The following GALNT17 variants were observed in gnomAD, a reference collection of about 807,000 sequenced individuals.
GALNT17 encodes polypeptide N-acetylgalactosaminyltransferase 17.
In GALNT17, 29 loss-of-function variants were observed where a neutral mutation model predicts 63.7. That is an observed-to-expected ratio of 0.46 (90% CI 0.34 to 0.62). The LOEUF (loss-of-function observed/expected upper bound fraction) is 0.62. GALNT17 is among the 20% of genes least tolerant of loss of function. The pLI is 0.01. For missense variants in GALNT17, 603 were observed against 799.6 expected (o/e 0.75, Z 2.97); for synonymous variants, 305 against 318.3 (o/e 0.96, Z 0.45).
intron 1 of GALNT17, among the ~76,000 whole-genome samples, chr7:71,246,042 A>G (rs868164598): frequency 7.9e-5 from 12 of 151,028 alleles, no homozygotes; most frequent in Middle Eastern, 3.2e-3. Context: ...AATTTATGCT[A>G]GGGAAATCAA....
intron 2 of GALNT17, among the ~76,000 whole-genome samples, chr7:71,369,335 T>C (rs940857790): frequency 6.6e-6 from 1 of 152,142 alleles, no homozygotes; most frequent in Non-Finnish European, 1.5e-5. Flanking sequence ...ACAAAGGCTA[T>C]GGAGAGATTT....
At chr7:71,326,811 C>T (rs1356258339) in intron 1 of GALNT17, among the ~76,000 whole-genome samples, 1 of 152,178 alleles carries the variant, frequency 6.6e-6, no homozygotes, top group Non-Finnish European at 1.5e-5. Context: ...ACACTTACTT[C>T]ACTGACACTG....
At chr7:71,473,216 A>G (rs1270658657) in intron 5 of GALNT17, among the ~76,000 whole-genome samples, 1 of 152,160 alleles carries the variant, frequency 6.6e-6, no homozygotes, top group Non-Finnish European at 1.5e-5. Context: ...GGAGCTGTGG[A>G]GACCAAAGTT....
intron 1 of GALNT17, among the ~76,000 whole-genome samples, chr7:71,192,331 T>C (rs548954157): frequency 4.5e-4 from 68 of 152,168 alleles, no homozygotes; most frequent in African/African-American, 1.5e-3. Flanking sequence ...GACAATACTT[T>C]GCATCCTTCA....
rs930045465 is a variant in GALNT17 at position 71,707,956 on chromosome 7, G to T, written c.1501-2805G>T. Among the ~76,000 whole-genome samples, 23 of 152,202 alleles carry T rather than the reference G, an allele frequency of 1.5e-4. No homozygotes were observed. In the South Asian group the frequency reaches 1.7e-3, roughly 11 times the overall value. On this transcript the variant is annotated intron_variant, in intron 9 of 10. Coordinates refer to ENST00000333538, the MANE Select transcript of GALNT17 (RefSeq NM_022479.3). The stretch of plus-strand genomic sequence containing the variant: ...GCTTCAAAGCCATCTTGCCATGGGT[G>T]TATAGAAGGAATAGCGGAGGATGTG...
rs541970186 is a variant in GALNT17, at chr7:71,701,208, C to T, written c.1501-9553C>T. 5.3e-5 allele frequency among the ~76,000 whole-genome samples: 8 copies of T among 152,202 alleles called. No individual in the cohort carries two copies. The South Asian group carries it at 8.3e-4, about 16-fold the overall frequency. ...TCTCAGAAAGAATATGACATTTGGC[C>T]GGTCACGATGGCTCACGCCTGTAAT... On this transcript the variant is annotated intron_variant, in intron 9 of 10. Coordinates refer to ENST00000333538, the MANE Select transcript of GALNT17 (RefSeq NM_022479.3).
rs59298142 is a variant in GALNT17 at position 71,530,537 on chromosome 7, AATTTATTTATTTATTTATTT to A, written c.963-40715_963-40696del. 2.8e-4 allele frequency among the ~76,000 whole-genome samples: 40 copies of A among 140,366 alleles called. 1 individual carries two copies. The highest frequency in any genetic ancestry group is 7.4e-4 in the South Asian group (3 of 4,072). 92.1% of individuals were successfully genotyped at this position (140,366 alleles called of 152,430 possible). A position where few individuals can be genotyped will look rare whatever the true frequency, so the allele number is the denominator to read the frequency against. ...TCAGTGTCTTTTGGAGAGGTACAAG[AATTTATTTATTTATTTATTT>A]ATTTATTTATTTATTTATTTATTTA... On this transcript the variant is annotated intron_variant, in intron 5 of 10. Coordinates refer to ENST00000333538, the MANE Select transcript of GALNT17 (RefSeq NM_022479.3).
chr7:71,252,659 A>G (rs1171943730), intron 1 of GALNT17, among the ~76,000 whole-genome samples: 1 of 152,216 alleles, frequency 6.6e-6, no homozygotes, highest in Admixed American at 6.5e-5. Flanking sequence ...ACCCAGACCC[A>G]TTAGAGAGTG....
chr7:71,425,734 A>G (rs1786748025), intron 5 of GALNT17, among the ~76,000 whole-genome samples: 1 of 152,224 alleles, frequency 6.6e-6, no homozygotes, highest in African/African-American at 2.4e-5. Flanking sequence ...CATTTATGCA[A>G]CTTACACCGG....
At chr7:71,558,553 C>T (rs932521657) in intron 5 of GALNT17, among the ~76,000 whole-genome samples, 7 of 152,176 alleles carry the variant, frequency 4.6e-5, no homozygotes, top group South Asian at 4.1e-4. Context: ...CCCAAATGTT[C>T]ACTCAACCAT....
intron 6 of GALNT17, among the ~76,000 whole-genome samples, chr7:71,663,078 A>G (rs530897038): frequency 4.8e-4 from 73 of 152,270 alleles, no homozygotes; most frequent in African/African-American, 1.6e-3. Context: ...TCCTTATGCC[A>G]GTACCACACC....
At chr7:71,257,868 C>T (rs936540387) in intron 1 of GALNT17, among the ~76,000 whole-genome samples, 77 of 152,336 alleles carry the variant, frequency 5.1e-4, no homozygotes, top group African/African-American at 1.6e-3. Flanking sequence ...CTGGATTCTA[C>T]GAATCACTGC....
At chr7:71,246,858 A>T (rs1398740516) in intron 1 of GALNT17, among the ~76,000 whole-genome samples, 1 of 150,448 alleles carries the variant, frequency 6.6e-6, no homozygotes, top group Admixed American at 6.7e-5. Context: ...AATTATGAAT[A>T]CCCTTTAGAA....
At chr7:71,404,736 T>C (rs1489465377) in intron 3 of GALNT17, among the ~76,000 whole-genome samples, 1 of 152,208 alleles carries the variant, frequency 6.6e-6, no homozygotes, top group Non-Finnish European at 1.5e-5. Context: ...TCTTCAGAGC[T>C]TCATTGTATT....
intron 6 of GALNT17, among the ~76,000 whole-genome samples, chr7:71,604,838 T>C (rs913642562): frequency 6.6e-6 from 1 of 152,206 alleles, no homozygotes; most frequent in East Asian, 1.9e-4. Context: ...ACTGGTCCTC[T>C]AATCTAATGC....
intron 9 of GALNT17, among the ~76,000 whole-genome samples, chr7:71,704,576 A>G (rs1791696604): frequency 6.6e-6 from 1 of 152,048 alleles, no homozygotes; most frequent in Non-Finnish European, 1.5e-5. Flanking sequence ...ACAGTATTGA[A>G]AAAGAACAAA....
intron 1 of GALNT17, among the ~76,000 whole-genome samples, chr7:71,267,208 T>G (rs1790506321): frequency 6.6e-6 from 1 of 152,218 alleles, no homozygotes; most frequent in Admixed American, 6.5e-5. Flanking sequence ...CAGGCTCTGG[T>G]TCTGTCGAGC....
intron 1 of GALNT17, among the ~76,000 whole-genome samples, chr7:71,210,435 C>T (rs1789354738): frequency 6.6e-6 from 1 of 152,126 alleles, no homozygotes; most frequent in African/African-American, 2.4e-5. Context: ...CCACTCCTGG[C>T]CGAGTGACAA....
At chr7:71,278,632 C>T (rs1344030152) in intron 1 of GALNT17, among the ~76,000 whole-genome samples, 1 of 152,150 alleles carries the variant, frequency 6.6e-6, no homozygotes, top group Non-Finnish European at 1.5e-5. Flanking sequence ...AGAAAACCTA[C>T]AATCATGGAG....
Sources: gnomAD v4.1 joint callset for allele counts (sites outside exome capture counted in the v4.1 genomes callset) on GRCh38, gnomAD v4.1.1 for gene constraint, MANE v1.5 for transcripts, NCBI Gene and HGNC (gene_info 2026-07-23, HGNC 2026-07-21) for gene names.